Variants in MITF observed in about 807,000 individuals in gnomAD.
The protein encoded by MITF is microphthalmia-associated transcription factor.
Under a neutral mutation model 60.5 loss-of-function variants are expected in MITF, and 17 were observed. The observed-to-expected ratio is 0.28, with a 90% CI of 0.19 to 0.42. MITF has a LOEUF of 0.42. Among genes scored for constraint, MITF ranks in the 10% least tolerant of loss-of-function variants. The probability of loss-of-function intolerance (pLI) is 1.00; values close to 1 mark genes in which losing one functional copy is unlikely to be tolerated. For missense variants in MITF, 622 were observed against 683.5 expected (o/e 0.91, Z 1.00); for synonymous variants, 260 against 248.5 (o/e 1.05, Z -0.43).
At chr3:69,852,219 C>T (rs1202971974) in intron 1 of MITF, among the ~76,000 whole-genome samples, 1 of 152,126 alleles carries the variant, frequency 6.6e-6, no homozygotes, top group Non-Finnish European at 1.5e-5. Flanking sequence ...AATATTCCCA[C>T]AGAAAAGTAT....
chr3:69,820,801 T>C (rs1415475578), intron 1 of MITF, among the ~76,000 whole-genome samples: 3 of 152,184 alleles, frequency 2.0e-5, no homozygotes, highest in Non-Finnish European at 2.9e-5. Flanking sequence ...TGAAAAGATA[T>C]CTTCCTGTAG....
At chr3:69,801,188 A>C (rs927414136) in intron 1 of MITF, among the ~76,000 whole-genome samples, 1 of 151,934 alleles carries the variant, frequency 6.6e-6, no homozygotes, top group Non-Finnish European at 1.5e-5. Flanking sequence ...AGCCAAGCTC[A>C]TTTTGTATTC....
intron 1 of MITF, among the ~76,000 whole-genome samples, chr3:69,824,957 C>T (rs9839120): frequency 0.5 from 76,368 of 152,126 alleles, 20,881 homozygotes; most frequent in Non-Finnish European, 0.63. Flanking sequence ...CCCTTGGGCC[C>T]TGTATCTCTG....
intron 5 of MITF, among the ~76,000 whole-genome samples, chr3:69,948,846 A>C (rs532806753): frequency 6.6e-6 from 1 of 152,296 alleles, no homozygotes; most frequent in Non-Finnish European, 1.5e-5. Context: ...CCTGCCTCAA[A>C]GGGAACTGGT....
chr3:69,828,174 C>G (rs2063386875), intron 1 of MITF, among the ~76,000 whole-genome samples: 1 of 151,702 alleles, frequency 6.6e-6, no homozygotes. Context: ...TTTGGATGAA[C>G]TTTGAGGAAA....
intron 5 of MITF, among the ~76,000 whole-genome samples, chr3:69,942,844 T>C (rs1576015479): frequency 1.3e-5 from 2 of 152,114 alleles, no homozygotes; most frequent in Non-Finnish European, 2.9e-5. Context: ...GACATGGGTA[T>C]ATTTACATTT....
intron 1 of MITF, among the ~76,000 whole-genome samples, chr3:69,798,265 G>A (rs931369204): frequency 6.6e-6 from 1 of 152,218 alleles, no homozygotes; most frequent in Non-Finnish European, 1.5e-5. Flanking sequence ...AGGAAACCAT[G>A]TTGTATTAGT....
chr3:69,949,679 A>G (rs2066192998), intron 6 of MITF, among the ~76,000 whole-genome samples: 1 of 152,192 alleles, frequency 6.6e-6, no homozygotes, highest in South Asian at 2.1e-4. Context: ...GATTTATTAC[A>G]CAGAGGGGAA....
chr3:69,960,378 C>T (rs2107540563), intron 9 of MITF, among the ~76,000 whole-genome samples: 1 of 152,274 alleles, frequency 6.6e-6, no homozygotes, highest in South Asian at 2.1e-4. Flanking sequence ...CGTCATCCTA[C>T]TCAGTGGGTA....
chr3:69,845,264 A>G lies in MITF; in HGVS notation c.105-33870A>G, dbSNP rs982558334. Reference sequence around the variant, plus strand: ...AGCAAGAGGTATTAAATATATAAATATTAAAATTAGGAGAATGACTTCTTT... The same window carrying G: ...AGCAAGAGGTATTAAATATATAAATGTTAAAATTAGGAGAATGACTTCTTT... On this transcript the variant is annotated intron_variant, in intron 1 of 9. Coordinates refer to ENST00000352241, the MANE Select transcript of MITF (RefSeq NM_001354604.2). Among the ~76,000 whole-genome samples the G allele has an allele frequency of 3.4e-4, 51 of 152,006 alleles. 1 individual carries two copies. The highest frequency in any genetic ancestry group is 1.1e-3 in the African/African-American group (44 of 41,460).
chr3:69,884,662 TCTTA>T (rs1213230185), intron 2 of MITF, among the ~76,000 whole-genome samples: 2 of 152,168 alleles, frequency 1.3e-5, no homozygotes, highest in Non-Finnish European at 2.9e-5. Context: ...CATAGAGTTG[TCTTA>T]CTTGGTAAAG....
intron 2 of MITF, among the ~76,000 whole-genome samples, chr3:69,883,707 T>C (rs879083806): frequency 6.6e-6 from 1 of 152,098 alleles, no homozygotes; most frequent in Admixed American, 6.5e-5. Flanking sequence ...CCAGAACAGA[T>C]GTAGTGTGTC....
At chr3:69,816,047 C>G (rs1470783838) in intron 1 of MITF, among the ~76,000 whole-genome samples, 1 of 152,138 alleles carries the variant, frequency 6.6e-6, no homozygotes, top group Non-Finnish European at 1.5e-5. Context: ...GAATGTTTCC[C>G]AGCCCTTGAT....
chr3:69,824,148 TGAACTCA>T (rs1484797666), intron 1 of MITF, among the ~76,000 whole-genome samples: 2 of 152,174 alleles, frequency 1.3e-5, no homozygotes, highest in Non-Finnish European at 2.9e-5. Flanking sequence ...TGATTTGGTG[TGAACTCA>T]GAATATAGGG....
chr3:69,950,950 A>T (rs918246273), intron 6 of MITF, among the ~76,000 whole-genome samples: 4 of 152,082 alleles, frequency 2.6e-5, no homozygotes, highest in African/African-American at 9.7e-5. Flanking sequence ...TTATAGACTC[A>T]AGCTAGTAAA....
chr3:69,797,407 G>A (rs1428056517), intron 1 of MITF, among the ~76,000 whole-genome samples: 1 of 151,906 alleles, frequency 6.6e-6, no homozygotes, highest in Non-Finnish European at 1.5e-5. Flanking sequence ...TATTTTCTGG[G>A]AATGAATGGA....
At chr3:69,816,299 C>T (rs1026423314) in intron 1 of MITF, among the ~76,000 whole-genome samples, 1 of 152,174 alleles carries the variant, frequency 6.6e-6, no homozygotes. Context: ...CCGTTTCTTT[C>T]CATGTCATTG....
intron 9 of MITF, among the ~76,000 whole-genome samples, chr3:69,959,805 T>C (rs147507846): frequency 3.5e-4 from 54 of 152,316 alleles, no homozygotes; most frequent in Middle Eastern, 3.4e-3. Flanking sequence ...GATTTCGCTG[T>C]TTAAAATGAC....
chr3:69,758,039 G>GTC (rs1369430390), intron 1 of MITF, among the ~76,000 whole-genome samples: 1 of 134,598 alleles, frequency 7.4e-6, no homozygotes, highest in African/African-American at 2.7e-5. Context: ...GTGTGTGTGT[G>GTC]TGTCTATATA....
Sources: allele counts gnomAD v4.1 joint callset (sites outside exome capture counted in the v4.1 genomes callset), GRCh38; gene constraint gnomAD v4.1.1; transcripts MANE v1.5; gene names NCBI Gene and HGNC (gene_info 2026-07-23, HGNC 2026-07-21).